Variants in NRXN3 observed in about 807,000 individuals in gnomAD.
The protein encoded by NRXN3 is neurexin 3, also known as neurexin III.
NRXN3 carries 32 observed loss-of-function variants against 137.6 expected under a neutral mutation model. The ratio of observed to expected loss-of-function variants is 0.23; its 90% CI spans 0.18 to 0.31. The LOEUF is 0.31. NRXN3 is among the 10% of genes least tolerant of loss of function. The pLI is 1.00. For synonymous variants in NRXN3, 798 were observed against 784.5 expected, an observed-to-expected ratio of 1.02 and a Z score of -0.29; for missense variants, 1,574 against 2,062.5, an observed-to-expected ratio of 0.76 and a Z score of 4.59.
At chr14:79,774,169 T>A (rs2099089312) in intron 19 of NRXN3, among the ~76,000 whole-genome samples, 1 of 152,116 alleles carries the variant, frequency 6.6e-6, no homozygotes, top group African/African-American at 2.4e-5. Context: ...ACCAAAAGAT[T>A]AGTTATTTGG....
At chr14:78,977,665 C>T (rs2099472815) in intron 14 of NRXN3, among the ~76,000 whole-genome samples, 1 of 152,168 alleles carries the variant, frequency 6.6e-6, no homozygotes, top group Admixed American at 6.5e-5. Context: ...CAAGTATCAA[C>T]TCCCACCTCT....
chr14:79,775,609 G>GTTACAATC (rs1472200626), intron 19 of NRXN3, among the ~76,000 whole-genome samples: 2 of 151,206 alleles, frequency 1.3e-5, no homozygotes, highest in African/African-American at 4.9e-5. Context: ...GTAAGCCAAG[G>GTTACAATC]TTACAATCTG....
intron 19 of NRXN3, among the ~76,000 whole-genome samples, chr14:79,748,038 G>A (rs1490136769): frequency 6.6e-6 from 1 of 151,962 alleles, no homozygotes; most frequent in Non-Finnish European, 1.5e-5. Flanking sequence ...ACACATTGGG[G>A]CCTGTCGGGG....
At chr14:78,456,731 C>T (rs1453190747) in intron 4 of NRXN3, among the ~76,000 whole-genome samples, 1 of 152,024 alleles carries the variant, frequency 6.6e-6, no homozygotes, top group African/African-American at 2.4e-5. Context: ...TGGCTTATCC[C>T]ACAGGATTCT....
At chr14:79,322,973 A>T (rs2090278270) in intron 15 of NRXN3, among the ~76,000 whole-genome samples, 1 of 152,220 alleles carries the variant, frequency 6.6e-6, no homozygotes, top group Non-Finnish European at 1.5e-5. Context: ...AAATGACTGT[A>T]GTGACGGCAG....
chr14:78,915,668 T>A (rs1166704083), intron 10 of NRXN3, among the ~76,000 whole-genome samples: 1 of 152,124 alleles, frequency 6.6e-6, no homozygotes. Context: ...TTACCCTCTG[T>A]GCAGCTTCTT....
At chr14:79,068,781 T>C (rs1337646060) in intron 15 of NRXN3, among the ~76,000 whole-genome samples, 3 of 152,090 alleles carry the variant, frequency 2.0e-5, no homozygotes, top group East Asian at 1.9e-4. Context: ...TGAATACGTA[T>C]GCACAGTGAA....
At chr14:78,647,785 A>G (rs186360519) in intron 5 of NRXN3, among the ~76,000 whole-genome samples, 1 of 152,358 alleles carries the variant, frequency 6.6e-6, no homozygotes, top group Non-Finnish European at 1.5e-5. Context: ...TGAATAATAT[A>G]AGATTATTAT....
chr14:79,087,858 T>C (rs187781522), intron 15 of NRXN3, among the ~76,000 whole-genome samples: 307 of 152,300 alleles, frequency 2.0e-3, no homozygotes, highest in Non-Finnish European at 3.4e-3. Flanking sequence ...GGAAGAGTCC[T>C]CTGGAGAGAG....
intron 4 of NRXN3, among the ~76,000 whole-genome samples, chr14:78,600,159 C>T (rs1318067772): frequency 1.3e-5 from 2 of 152,108 alleles, no homozygotes; most frequent in Non-Finnish European, 2.9e-5. Flanking sequence ...TCTTGGGTAT[C>T]CGACAGTGGA....
chr14:78,574,923 G>C (rs1310673310), intron 4 of NRXN3, among the ~76,000 whole-genome samples: 1 of 152,038 alleles, frequency 6.6e-6, no homozygotes, highest in Non-Finnish European at 1.5e-5. Context: ...TTTGCCTCTG[G>C]GGCCCCACCC....
chr14:78,297,632 G>A (rs958909781), intron 3 of NRXN3, among the ~76,000 whole-genome samples, 199 bp from the exon 4 acceptor site: 9 of 152,224 alleles, frequency 5.9e-5, no homozygotes, highest in African/African-American at 2.2e-4. Context: ...CAGGAAGGCT[G>A]GGGTGTCCAT....
intron 1 of NRXN3, among the ~76,000 whole-genome samples, chr14:78,210,189 G>A (rs2062605395): frequency 2.0e-5 from 3 of 152,168 alleles, no homozygotes. Flanking sequence ...TGGCGAGTGG[G>A]AAATCCAGGA....
chr14:79,099,431 C>T (rs963320230), intron 15 of NRXN3, among the ~76,000 whole-genome samples: 18 of 152,158 alleles, frequency 1.2e-4, no homozygotes, highest in Admixed American at 1.0e-3. Context: ...AAAAGGAGAG[C>T]TGCGAATAAC....
chr14:78,943,441 G>T (rs1254934756), intron 10 of NRXN3, among the ~76,000 whole-genome samples: 1 of 150,738 alleles, frequency 6.6e-6, no homozygotes, highest in South Asian at 2.1e-4. Flanking sequence ...TGAAGTCTGG[G>T]GGGAGAAGCA....
intron 14 of NRXN3, among the ~76,000 whole-genome samples, chr14:78,980,095 TA>T: frequency 6.6e-6 from 1 of 152,316 alleles, no homozygotes; most frequent in South Asian, 2.1e-4. Context: ...ACTTCACATT[TA>T]GGTTACACCG....
At chr14:78,389,163 C>A (rs1007854489) in intron 4 of NRXN3, among the ~76,000 whole-genome samples, 1 of 151,506 alleles carries the variant, frequency 6.6e-6, no homozygotes, top group African/African-American at 2.4e-5. Context: ...TCAAGCAATT[C>A]TCTTGCCTCA....
chr14:79,000,769 G>A lies in NRXN3; in HGVS notation c.3262+12628G>A, dbSNP rs140085308. Among the ~76,000 whole-genome samples the A allele has an allele frequency of 6.6e-5, 10 of 152,136 alleles. No homozygotes were observed. The East Asian group carries it at 1.9e-3, about 29-fold the overall frequency. Reference sequence around the variant, plus strand: ...CAACATACATGTCATGGACACAATCGTATTGTCCCCAACTCATGAAAATTC... The same window carrying A: ...CAACATACATGTCATGGACACAATCATATTGTCCCCAACTCATGAAAATTC... On this transcript the variant is annotated intron_variant, in intron 15 of 20. Transcript: ENST00000335750.
At chr14:78,587,974 C>A (rs2097082619) in intron 4 of NRXN3, among the ~76,000 whole-genome samples, 1 of 152,150 alleles carries the variant, frequency 6.6e-6, no homozygotes, top group African/African-American at 2.4e-5. Flanking sequence ...TTACTTTTAA[C>A]TTGATTTTGC....
Sources: gnomAD v4.1 joint callset for allele counts (sites outside exome capture counted in the v4.1 genomes callset) on GRCh38, gnomAD v4.1.1 for gene constraint, MANE v1.5 for transcripts, NCBI Gene and HGNC (gene_info 2026-07-23, HGNC 2026-07-21) for gene names.